The following C4orf36 variants were observed in gnomAD, a reference collection of about 807,000 sequenced individuals.
C4orf36 encodes uncharacterized protein C4orf36.
A neutral mutation model predicts 12.2 loss-of-function variants in C4orf36; 11 were observed. The observed-to-expected ratio is 0.90, with a 90% confidence interval of 0.57 to 1.49. The LOEUF is 1.49. C4orf36 is among the 40% of genes most tolerant of loss of function. The pLI, the probability that C4orf36 is intolerant of heterozygous loss-of-function variation, is 0.00. For missense variants in C4orf36, 137 were observed against 133.9 expected (o/e 1.02, Z -0.11); for synonymous variants, 54 against 51.3 (o/e 1.05, Z -0.22).
Position 86,887,834 on chromosome 4 carries a change from TTTC to T in C4orf36, c.277_279del (p.Glu93del). ...AGAAGCTGAATTTCCTTAGATGTAT[TTTC>T]TTGACACTTCAGTTTACAAAGACGC... On this transcript the variant is annotated inframe_deletion, in exon 4 of 5. Transcript: ENST00000295898. The T allele has an allele frequency of 6.2e-7, 1 of 1,614,224 alleles. No homozygotes were observed. The highest frequency in any genetic ancestry group is 8.5e-7 in the Non-Finnish European group (1 of 1,180,030).
At chr4:86,886,481 A>G (rs1048952691) in intron 4 of C4orf36, 1 of 152,266 alleles carries the variant, frequency 6.6e-6, no homozygotes, top group Non-Finnish European at 1.5e-5. Context: ...TCAAAAGAAG[A>G]CATTTATGCA....
chr4:86,909,026 A>G, the C4orf36 span, among the ~76,000 whole-genome samples: 508 of 152,282 alleles, frequency 3.3e-3, 1 homozygote, highest in African/African-American at 0.011. Context: ...CTGTCTCTCA[A>G]TGTGGTGGGG....
chr4:86,900,738 T>G, the C4orf36 span, among the ~76,000 whole-genome samples: 1 of 152,076 alleles, frequency 6.6e-6, no homozygotes, highest in Non-Finnish European at 1.5e-5. Flanking sequence ...CAGGCTGGAC[T>G]TCAACACCAG....
intron 1 of C4orf36, 163 bp downstream of exon 1, chr4:86,892,020 C>G (rs1408348706): frequency 3.5e-5 from 35 of 986,510 alleles, no homozygotes; most frequent in Non-Finnish European, 4.0e-5. Context: ...GCACCACTCC[C>G]GCGTCCCCGC....
chr4:86,884,307 T>C lies in C4orf36; in HGVS notation c.*2+3451A>G, dbSNP rs1035502004. ...AGAAGGAAAAAGACTGAATTTTTTT[T>C]TTTTTTTTTTTTTTTGAGACACGTT... On this transcript the variant is annotated intron_variant, in intron 4 of 4. Coordinates refer to ENST00000295898, the MANE Select transcript of C4orf36 (RefSeq NM_144645.4). Among the ~76,000 whole-genome samples the C allele has an allele frequency of 4.8e-4, 71 of 149,316 alleles. No homozygotes were observed. In the Middle Eastern group the frequency reaches 0.017, roughly 36 times the overall value.
chr4:86,878,868 C>CTT lies in C4orf36; in HGVS notation c.*3-2426_*3-2425insAA, dbSNP rs141418772. Among the ~76,000 whole-genome samples, 411 of 152,234 alleles carry CTT rather than the reference C, an allele frequency of 2.7e-3. 1 individual carries two copies. The highest frequency in any genetic ancestry group is 9.2e-3 in the African/African-American group (383 of 41,536). On this transcript the variant is annotated intron_variant, in intron 4 of 4. Coordinates refer to ENST00000295898, the MANE Select transcript of C4orf36 (RefSeq NM_144645.4). ...TACCACAGACAGACACCAGGAAAAG[C>CTT]AAAAGATTATGAGCTCCAGTGAAGA...
the C4orf36 span, among the ~76,000 whole-genome samples, chr4:86,930,691 T>G: frequency 6.6e-5 from 10 of 152,204 alleles, no homozygotes; most frequent in Admixed American, 2.0e-4. Context: ...TACAACTACA[T>G]GACTAAAAAG....
chr4:86,901,782 C>T, the C4orf36 span, among the ~76,000 whole-genome samples: 3 of 152,156 alleles, frequency 2.0e-5, no homozygotes, highest in South Asian at 2.1e-4. Flanking sequence ...CCATGACCTT[C>T]GTGCTCTTTC....
the C4orf36 span, among the ~76,000 whole-genome samples, chr4:86,907,755 T>C: frequency 6.6e-6 from 1 of 151,826 alleles, no homozygotes; most frequent in Non-Finnish European, 1.5e-5. Flanking sequence ...GGCGGGTGGA[T>C]CACTTGAGGC....
chr4:86,894,177 G>A (rs986662439), upstream of C4orf36, among the ~76,000 whole-genome samples: 11 of 152,144 alleles, frequency 7.2e-5, no homozygotes, highest in African/African-American at 1.7e-4. Context: ...GATTATAGGC[G>A]TGAGCCACCG....
At chr4:86,898,582 G>T in the C4orf36 span, among the ~76,000 whole-genome samples, 1 of 152,108 alleles carries the variant, frequency 6.6e-6, no homozygotes, top group African/African-American at 2.4e-5. Context: ...TCATTAGTTT[G>T]AAACTAGGAG....
At chr4:86,892,490 G>A (rs1442545963), upstream of C4orf36, 1 of 983,028 alleles carries the variant, frequency 1.0e-6, no homozygotes, top group African/African-American at 1.7e-5. Context: ...CCGCCAGGGA[G>A]GGGACGCCGG....
intron 4 of C4orf36, among the ~76,000 whole-genome samples, chr4:86,881,844 T>A (rs1249494841): frequency 6.6e-6 from 1 of 152,012 alleles, no homozygotes; most frequent in African/African-American, 2.4e-5. Flanking sequence ...GCCTGGCTAA[T>A]TTTTTGTAGT....
At chr4:86,935,122 G>C in the C4orf36 span, 2 of 152,282 alleles carry the variant, frequency 1.3e-5, no homozygotes, top group Admixed American at 6.5e-5. Flanking sequence ...CCGAGCCCCG[G>C]GAGGAGGCGC....
chr4:86,899,562 C>T, the C4orf36 span, among the ~76,000 whole-genome samples: 1 of 152,180 alleles, frequency 6.6e-6, no homozygotes, highest in Non-Finnish European at 1.5e-5. Flanking sequence ...GTGGCTCACT[C>T]CTGTGATCCC....
At chr4:86,905,961 TCCACCTACCTTGGCTTC>T in the C4orf36 span, among the ~76,000 whole-genome samples, 1 of 152,126 alleles carries the variant, frequency 6.6e-6, no homozygotes, top group African/African-American at 2.4e-5. Flanking sequence ...CCTCAAGTTA[TCCACCTACCTTGGCTTC>T]CCAAAGTGCT....
chr4:86,917,141 TTGG>T, the C4orf36 span, among the ~76,000 whole-genome samples: 1 of 152,228 alleles, frequency 6.6e-6, no homozygotes, highest in East Asian at 1.9e-4. Flanking sequence ...TTAGCTGGGC[TTGG>T]TGGCGTGTGC....
At chr4:86,918,534 C>A in the C4orf36 span, among the ~76,000 whole-genome samples, 1 of 152,138 alleles carries the variant, frequency 6.6e-6, no homozygotes, top group African/African-American at 2.4e-5. Flanking sequence ...ATTAGAAATA[C>A]AACTATGTGT....
the C4orf36 span, among the ~76,000 whole-genome samples, chr4:86,930,815 C>T: frequency 4.6e-5 from 7 of 152,228 alleles, no homozygotes; most frequent in Non-Finnish European, 5.9e-5. Context: ...CTAGGAATCA[C>T]GTTTTCTGCA....
Sources: allele counts gnomAD v4.1 joint callset (sites outside exome capture counted in the v4.1 genomes callset), GRCh38; gene constraint gnomAD v4.1.1; transcripts MANE v1.5; gene names NCBI Gene and HGNC (gene_info 2026-07-23, HGNC 2026-07-21).